KCNJ13: variants seen among roughly 807,000 people sequenced by gnomAD.
The protein encoded by KCNJ13 is potassium inwardly rectifying channel subfamily J member 13.
Under a neutral mutation model 24.6 loss-of-function variants are expected in KCNJ13, and 9 were observed. The ratio of observed to expected loss-of-function variants is 0.37; its 90% CI spans 0.22 to 0.64. KCNJ13 has a LOEUF of 0.64. Among genes scored for constraint, KCNJ13 ranks in the 30% least tolerant of loss-of-function variants. KCNJ13 has a pLI of 0.64. For missense variants in KCNJ13, 337 were observed against 443.8 expected, an observed-to-expected ratio of 0.76 and a Z score of 2.16; for synonymous variants, 148 against 154.7, an observed-to-expected ratio of 0.96 and a Z score of 0.32.
In KCNJ13 at chr2:232,771,505, G is replaced by A. The variant is rs575771912; in HGVS notation, c.-16-127C>T. ...TAACCACAACTTTGCCAACTCTCTC[G>A]CTTTTCTCTTCACGTTAGATGGCAT... On this transcript the variant is annotated intron_variant, in intron 1 of 2. Transcript: ENST00000233826. 2.4e-5 allele frequency: 14 copies of A among 584,402 alleles called. No individual in the cohort carries two copies. The East Asian group carries it at 3.1e-4, about 13-fold the overall frequency. The allele number at this position is 584,402 out of a possible 1,614,324, so 36.2% of individuals were successfully genotyped here. A position where few individuals can be genotyped will look rare whatever the true frequency, so the allele number is the denominator to read the frequency against.
In KCNJ13 at chr2:232,770,966, T is replaced by C; in HGVS notation, c.397A>G (p.Ser133Gly). 6.2e-7 allele frequency: 1 copy of C among 1,614,080 alleles called. No homozygotes were observed. Among genetic ancestry groups the C allele is most frequent in the Non-Finnish European group, 8.5e-7 (1 of 1,179,968 alleles). The change falls in exon 2 of 3, where the codon AGT (serine) becomes GGT (glycine). Residue 133 changes from serine (S) to glycine (G), a missense_variant. Coordinates refer to ENST00000233826, the MANE Select transcript of KCNJ13 (RefSeq NM_002242.4). The part of the protein sequence containing the change: ...GTMFPSGDCP[S>G]AIALLAIQML... Reference sequence around the variant, plus strand: ...TGTATGGCAAGTAAGGCGATTGCACTTGGACAGTCACCACTGGGGAACATG... The same window carrying C: ...TGTATGGCAAGTAAGGCGATTGCACCTGGACAGTCACCACTGGGGAACATG...
rs1345380687 is a variant in KCNJ13, at chr2:232,768,618, T to G, written c.656A>C (p.Gln219Pro). ...YQERENGKLY[Q>P]TSVDFHLDGI... is the part of the protein sequence containing the mutation. ...ATCAAGGTGGAAATCCACACTGGTC[T>G]GGTAGAGTTTGCCATTTTCTCTTTC... The change falls in exon 3 of 3, where the codon CAG (glutamine) becomes CCG (proline). Residue 219 changes from glutamine (Q) to proline (P), a missense_variant. Transcript: ENST00000233826. The G allele has an allele frequency of 6.2e-7, 1 of 1,614,124 alleles. No homozygotes were observed. Among genetic ancestry groups the G allele is most frequent in the African/African-American group, 1.3e-5 (1 of 75,054 alleles).
chr2:232,770,800 G>T, intron 2 of KCNJ13, 103 bp downstream of exon 2: 1 of 782,980 alleles, frequency 1.3e-6, no homozygotes, highest in Non-Finnish European at 2.1e-6. Flanking sequence ...AAATTATTCT[G>T]TAACAGCATT....
chr2:232,769,540 A>G (rs1180657090), intron 2 of KCNJ13, among the ~76,000 whole-genome samples: 1 of 151,468 alleles, frequency 6.6e-6, no homozygotes, highest in African/African-American at 2.4e-5. Context: ...GATATTTTGA[A>G]GAATTTTTAA....
intron 1 of KCNJ13, among the ~76,000 whole-genome samples, chr2:232,776,062 G>A (rs1699498671): frequency 6.7e-6 from 1 of 150,204 alleles, no homozygotes; most frequent in Admixed American, 6.7e-5. Flanking sequence ...AAACAAAGTG[G>A]CTTATTCTTT....
In KCNJ13 at chr2:232,770,951, G is replaced by A; in HGVS notation, c.412C>T (p.Leu138Phe). Residue 138 changes from leucine to phenylalanine, a missense_variant, in exon 2 of 3, where the codon CTT becomes TTT. Transcript: ENST00000233826. Reference sequence around the variant, plus strand: ...AGGCCTAGGAGCATTTGTATGGCAAGTAAGGCGATTGCACTTGGACAGTCA... The same window carrying A: ...AGGCCTAGGAGCATTTGTATGGCAAATAAGGCGATTGCACTTGGACAGTCA... ...SGDCPSAIAL[L>F]AIQMLLGLML... The A allele has an allele frequency of 6.2e-7, 1 of 1,614,008 alleles. No homozygotes were observed. Among genetic ancestry groups the A allele is most frequent in the Non-Finnish European group, 8.5e-7 (1 of 1,179,922 alleles).
intron 1 of KCNJ13, among the ~76,000 whole-genome samples, chr2:232,775,495 T>G (rs570165061): frequency 6.6e-6 from 1 of 152,316 alleles, no homozygotes; most frequent in Non-Finnish European, 1.5e-5. Context: ...GTTTAAAAAA[T>G]TATACTATTG....
chr2:232,771,373 A>T lies in KCNJ13; in HGVS notation c.-11T>A. ...ATTACTGCTGTCCATCTCAGGCTGT[A>T]TTTCTCTAAAATCAAGAGTAAATTA... is the stretch of plus-strand genomic sequence containing the variant. On this transcript the variant is annotated 5_prime_UTR_variant, in exon 2 of 3. Coordinates refer to ENST00000233826, the MANE Select transcript of KCNJ13 (RefSeq NM_002242.4). The T allele has an allele frequency of 6.3e-7, 1 of 1,589,800 alleles. No individual in the cohort carries two copies. The highest frequency in any genetic ancestry group is 8.6e-7 in the Non-Finnish European group (1 of 1,159,096).
Position 232,767,499 on chromosome 2 carries a change from A to C in KCNJ13, c.*692T>G, listed in dbSNP as rs150909352. 8 of 152,730 alleles carry C rather than the reference A, an allele frequency of 5.2e-5. 1 individual carries two copies. The South Asian group carries it at 8.3e-4, about 16-fold the overall frequency. The allele number at this position is 152,730 out of a possible 1,614,324, so 9.5% of individuals were successfully genotyped here. A position where few individuals can be genotyped will look rare whatever the true frequency, so the allele number is the denominator to read the frequency against. ...TCCTTGCAATGCAAAATACCACCCC[A>C]CAGGTTCCATTTGGGCTGGAGCTTA... On this transcript the variant is annotated 3_prime_UTR_variant, in exon 3 of 3. Coordinates refer to ENST00000233826, the MANE Select transcript of KCNJ13 (RefSeq NM_002242.4).
intron 1 of KCNJ13, among the ~76,000 whole-genome samples, chr2:232,772,274 G>A (rs1699298172): frequency 6.6e-6 from 1 of 152,086 alleles, no homozygotes; most frequent in African/African-American, 2.4e-5. Context: ...CATGTTCGTG[G>A]ATTCTTTCTG....
At chr2:232,776,010 G>A (rs1574869338) in intron 1 of KCNJ13, among the ~76,000 whole-genome samples, 2 of 152,014 alleles carry the variant, frequency 1.3e-5, no homozygotes, top group East Asian at 3.9e-4. Flanking sequence ...AAAAATTTAC[G>A]ATTAGGATAC....
At chr2:232,770,782 A>C in intron 2 of KCNJ13, 121 bp downstream of exon 2, 1 of 715,072 alleles carries the variant, frequency 1.4e-6, no homozygotes, top group South Asian at 1.7e-5. Flanking sequence ...CCTGCTATCA[A>C]TATAGATAAA....
At chr2:232,773,809 G>C (rs749823671) in intron 1 of KCNJ13, among the ~76,000 whole-genome samples, 1 of 150,982 alleles carries the variant, frequency 6.6e-6, no homozygotes, top group African/African-American at 2.4e-5. Flanking sequence ...TATTAAAAAC[G>C]TGTCTGGCTC....
chr2:232,765,895 C>T lies in KCNJ13; in HGVS notation c.*2296G>A. 2.1e-6 allele frequency: 1 copy of T among 470,256 alleles called. No individual in the cohort carries two copies. The highest frequency in any genetic ancestry group is 1.6e-5 in the South Asian group (1 of 64,332). The allele number at this position is 470,256 out of a possible 1,614,324, so 29.1% of individuals were successfully genotyped here. ...ACTGTCATGCTATCTTTATCAGTTTCCAAAGGAACGTTTAAAGTTAGTTCC... is the reference window on the plus strand; with the variant it reads ...ACTGTCATGCTATCTTTATCAGTTTTCAAAGGAACGTTTAAAGTTAGTTCC... On this transcript the variant is annotated 3_prime_UTR_variant, in exon 3 of 3. Coordinates refer to ENST00000233826, the MANE Select transcript of KCNJ13 (RefSeq NM_002242.4).
rs1050255136 is a variant in KCNJ13, at chr2:232,767,645, C to T, written c.*546G>A. The T allele has an allele frequency of 1.3e-5, 2 of 156,946 alleles. No individual in the cohort carries two copies. The highest frequency in any genetic ancestry group is 1.9e-4 in the South Asian group (1 of 5,232). The allele number at this position is 156,946 out of a possible 1,614,324, so 9.7% of individuals were successfully genotyped here. On this transcript the variant is annotated 3_prime_UTR_variant, in exon 3 of 3. Transcript: ENST00000233826. ...GTTGTTTTTCTCGTTAATTTTTGTT[C>T]TTAGTTGTTAAAAATTAAGGAGGTA...
Position 232,765,986 on chromosome 2 carries a change from G to GA in KCNJ13, c.*2204dup, listed in dbSNP as rs1285646976. On this transcript the variant is annotated 3_prime_UTR_variant, in exon 3 of 3. Coordinates refer to ENST00000233826, the MANE Select transcript of KCNJ13 (RefSeq NM_002242.4). Reference sequence around the variant, plus strand: ...AAGCTCCCAGATGATCCAGGTTAGTGAGCTGCACATCCAGAAAGGCAGAGC... The same window carrying GA: ...AAGCTCCCAGATGATCCAGGTTAGTGAAGCTGCACATCCAGAAAGGCAGAGC... 2 of 471,116 alleles carry GA rather than the reference G, an allele frequency of 4.2e-6. No homozygotes were observed. The highest frequency in any genetic ancestry group is 3.1e-5 in the South Asian group (2 of 64,556). 29.2% of individuals were successfully genotyped at this position (471,116 alleles called of 1,614,324 possible).
At chr2:232,769,462 T>A (rs1699133212) in intron 2 of KCNJ13, among the ~76,000 whole-genome samples, 2 of 133,900 alleles carry the variant, frequency 1.5e-5, no homozygotes, top group South Asian at 4.5e-4. Flanking sequence ...GCCAAGTTTG[T>A]AGCACTGCAC....
At chr2:232,775,394 T>C (rs192396598) in intron 1 of KCNJ13, among the ~76,000 whole-genome samples, 296 of 152,364 alleles carry the variant, frequency 1.9e-3, no homozygotes, top group Non-Finnish European at 3.0e-3. Flanking sequence ...TACAGACTTA[T>C]GTAAACAAAC....
Position 232,768,154 on chromosome 2 carries a change from G to A in KCNJ13, c.*37C>T, listed in dbSNP as rs755099409. 2.5e-6 allele frequency: 4 copies of A among 1,604,512 alleles called. No individual in the cohort carries two copies. Among genetic ancestry groups the A allele is most frequent in the East Asian group, 4.5e-5 (2 of 44,814 alleles). ...TAAAGAAAAAGTAGCTGCATAACTG[G>A]CTGGGTGTATTTAATACATTAAAAA... On this transcript the variant is annotated 3_prime_UTR_variant, in exon 3 of 3. Transcript: ENST00000233826.
Sources: gnomAD v4.1 joint callset for allele counts (sites outside exome capture counted in the v4.1 genomes callset) on GRCh38, gnomAD v4.1.1 for gene constraint, MANE v1.5 for transcripts, NCBI Gene and HGNC (gene_info 2026-07-23, HGNC 2026-07-21) for gene names.